Variants in ANXA2 observed in about 807,000 individuals in gnomAD.
The protein encoded by ANXA2 is annexin A2.
Under a neutral mutation model 47.3 loss-of-function variants are expected in ANXA2, and 28 were observed. The ratio of observed to expected loss-of-function variants is 0.59; its 90% CI spans 0.44 to 0.81. The LOEUF (loss-of-function observed/expected upper bound fraction) is 0.81. Ranked by LOEUF, ANXA2 falls within the 40% of genes least tolerant of loss-of-function variation. The probability of loss-of-function intolerance (pLI) is 0.00; values close to 1 mark genes in which losing one functional copy is unlikely to be tolerated. For missense variants in ANXA2, 384 were observed against 414.3 expected (o/e 0.93, Z 0.64); for synonymous variants, 172 against 155.5 (o/e 1.11, Z -0.79).
At position 60,382,381 on chromosome 15, in the gene ANXA2, G is replaced by A. The variant is rs757549353; in HGVS notation, c.109C>T (p.Arg37Trp). Residue 37 changes from arginine (R) to tryptophan (W), a missense_variant, in exon 3 of 13, where the codon CGG becomes TGG. Coordinates refer to ENST00000451270, the MANE Select transcript of ANXA2 (RefSeq NM_004039.3). ...GCTGTTTCAATGTTCAAAGCATCCC[G>A]CTCAGCATCAAAGTTAGTATAGGCT... ...VKAYTNFDAE[R>W]DALNIETAIK... The A allele has an allele frequency of 1.8e-5, 29 of 1,613,588 alleles. No homozygotes were observed. Among genetic ancestry groups the A allele is most frequent in the East Asian group, 1.6e-4 (7 of 44,866 alleles).
intron 3 of ANXA2, among the ~76,000 whole-genome samples, chr15:60,373,009 A>G (rs944523426): frequency 6.6e-6 from 1 of 152,204 alleles, no homozygotes; most frequent in African/African-American, 2.4e-5. Context: ...AACATCCAGT[A>G]TCTCAAATTC....
intron 3 of ANXA2, among the ~76,000 whole-genome samples, chr15:60,368,298 G>T (rs1175276989): frequency 1.6e-5 from 1 of 64,068 alleles, no homozygotes; most frequent in Non-Finnish European, 3.2e-5. Context: ...AAACACCCAA[G>T]AATGATCAAT....
intron 1 of ANXA2, chr15:60,391,077 CTG>C (rs1380549767): frequency 6.6e-6 from 1 of 152,256 alleles, no homozygotes; most frequent in Non-Finnish European, 1.5e-5. Context: ...ACTTATAAAA[CTG>C]TGAAATGCAG....
chr15:60,397,346 A>T, intron 1 of ANXA2: 1 of 985,264 alleles, frequency 1.0e-6, no homozygotes, highest in African/African-American at 1.7e-5. Context: ...AACCTAGAGC[A>T]AGGGGAATAA....
intron 4 of ANXA2, among the ~76,000 whole-genome samples, chr15:60,361,256 A>T (rs986861870): frequency 6.6e-6 from 1 of 152,158 alleles, no homozygotes. Context: ...GCTTCAACGA[A>T]ATTCCTTAAA....
intron 3 of ANXA2, among the ~76,000 whole-genome samples, chr15:60,367,209 A>G (rs1319735769): frequency 2.0e-5 from 1 of 49,568 alleles, no homozygotes; most frequent in Non-Finnish European, 3.7e-5. Context: ...CCCGTCCGGG[A>G]GGGAGGTGGG....
At chr15:60,389,820 G>A (rs978071250) in intron 1 of ANXA2, among the ~76,000 whole-genome samples, 3 of 152,060 alleles carry the variant, frequency 2.0e-5, no homozygotes, top group Admixed American at 6.6e-5. Context: ...TTGCCTCTCC[G>A]CACTCACCAC....
intron 12 of ANXA2, among the ~76,000 whole-genome samples, chr15:60,348,183 C>G (rs1895812241): frequency 6.6e-6 from 1 of 152,158 alleles, no homozygotes; most frequent in African/African-American, 2.4e-5. Flanking sequence ...CCTAATAAAC[C>G]TGGCTACAAA....
In ANXA2 at chr15:60,386,078, T is replaced by C; in HGVS notation, c.-3A>G. ...AGGATTTCGTGAACAGTAGACATTT[T>C]GAAGGAAGCTGGAAAAAAAGTACAA... On this transcript the variant is annotated 5_prime_UTR_variant, in exon 2 of 13. Coordinates refer to ENST00000451270, the MANE Select transcript of ANXA2 (RefSeq NM_004039.3). 6.2e-7 allele frequency: 1 copy of C among 1,612,676 alleles called. No individual in the cohort carries two copies. The highest frequency in any genetic ancestry group is 1.3e-5 in the African/African-American group (1 of 75,016).
Position 60,351,268 on chromosome 15 carries a change from G to A in ANXA2, c.779-17C>T. 1 of 1,613,976 alleles carries A rather than the reference G, an allele frequency of 6.2e-7. No homozygotes were observed. The highest frequency in any genetic ancestry group is 8.5e-7 in the Non-Finnish European group (1 of 1,179,826). On this transcript the variant is annotated splice_polypyrimidine_tract_variant and intron_variant, in intron 10 of 12. Transcript: ENST00000451270. ...TGCACTGAACTGTGGAGAGAAGAAA[G>A]GGAGTCAGCGCTGCAGCTGCTCTGG...
intron 5 of ANXA2, among the ~76,000 whole-genome samples, chr15:60,358,176 G>A (rs992191548): frequency 6.6e-6 from 1 of 151,954 alleles, no homozygotes; most frequent in African/African-American, 2.4e-5. Context: ...GGCACTTTAG[G>A]GAAGCAAAAA....
chr15:60,391,300 G>C (rs555288122), intron 1 of ANXA2: 41 of 152,436 alleles, frequency 2.7e-4, no homozygotes, highest in African/African-American at 8.7e-4. Context: ...ACAGCCATCA[G>C]AGCGGGATTA....
intron 1 of ANXA2, among the ~76,000 whole-genome samples, chr15:60,388,641 C>T (rs2062965479): frequency 6.6e-6 from 1 of 151,372 alleles, no homozygotes. Context: ...CACTGTGTTG[C>T]CCAGGCTGGT....
intron 3 of ANXA2, among the ~76,000 whole-genome samples, chr15:60,366,343 C>T (rs1165113575): frequency 1.3e-5 from 2 of 148,894 alleles, no homozygotes; most frequent in East Asian, 2.0e-4. Flanking sequence ...TGCCTGGCTG[C>T]CCAGTCTGGA....
At chr15:60,386,159 G>C in intron 1 of ANXA2, 73 bp from the exon 2 acceptor site, 1 of 1,042,500 alleles carries the variant, frequency 9.6e-7, no homozygotes. Flanking sequence ...GATTCATTAT[G>C]CTAATTTCTA....
At chr15:60,377,749 G>A (rs752871230) in intron 3 of ANXA2, among the ~76,000 whole-genome samples, 2 of 152,088 alleles carry the variant, frequency 1.3e-5, no homozygotes, top group African/African-American at 2.4e-5. Context: ...AGTGACGTAC[G>A]TCTGTTTCCA....
intron 2 of ANXA2, chr15:60,383,553 T>G (rs1245641943): frequency 6.6e-6 from 1 of 152,278 alleles, no homozygotes; most frequent in African/African-American, 2.4e-5. Flanking sequence ...TTAACTTCCC[T>G]CCTTCTTTGA....
chr15:60,373,789 A>C (rs935662313), intron 3 of ANXA2, among the ~76,000 whole-genome samples: 14 of 152,222 alleles, frequency 9.2e-5, no homozygotes, highest in Admixed American at 4.6e-4. Context: ...TGAGTTAACG[A>C]CTAGAAACAC....
chr15:60,397,628 C>A (rs1211806227), intron 1 of ANXA2, among the ~76,000 whole-genome samples: 19 of 152,160 alleles, frequency 1.2e-4, no homozygotes, highest in Non-Finnish European at 1.9e-4. Flanking sequence ...CGGGGCCTCC[C>A]TCCGCCCCTC....
Sources: gnomAD v4.1 joint callset for allele counts (sites outside exome capture counted in the v4.1 genomes callset) on GRCh38, gnomAD v4.1.1 for gene constraint, MANE v1.5 for transcripts, NCBI Gene and HGNC (gene_info 2026-07-23, HGNC 2026-07-21) for gene names.